The following CRACD variants were observed in gnomAD, a reference collection of about 807,000 sequenced individuals.
CRACD encodes capping protein inhibiting regulator of actin dynamics.
A neutral mutation model predicts 106.8 loss-of-function variants in CRACD; 56 were observed. That is an observed-to-expected ratio of 0.52 (90% confidence interval 0.42 to 0.66). The LOEUF (loss-of-function observed/expected upper bound fraction) is 0.66. Among genes scored for constraint, CRACD ranks in the 30% least tolerant of loss-of-function variants. CRACD has a pLI of 0.00. For synonymous variants in CRACD, 754 were observed against 670.8 expected (o/e 1.12, Z -1.92); for missense variants, 1,730 against 1,623.2 (o/e 1.07, Z -1.13).
chr4:56,057,813 TG>T lies in CRACD; in HGVS notation c.-336+8515del, dbSNP rs1309817888. Among the ~76,000 whole-genome samples the T allele has an allele frequency of 5.3e-4, 51 of 96,498 alleles. 8 individuals are homozygous for T. The highest frequency in any genetic ancestry group is 2.9e-3 in the African/African-American group (48 of 16,340). 63.3% of individuals were successfully genotyped at this position (96,498 alleles called of 152,430 possible). The stretch of plus-strand genomic sequence containing the variant: ...TCATTTTTTGTATTTTTTTTTTTTT[TG>T]TTTTTTTTTTTTTTTTTTTTTTGAG... On this transcript the variant is annotated intron_variant, in intron 1 of 10. Transcript: ENST00000682029.
chr4:56,300,369 G>A (rs998403550), intron 4 of CRACD, among the ~76,000 whole-genome samples: 3 of 146 alleles, frequency 0.021, no homozygotes, highest in Non-Finnish European at 0.038. Context: ...TGCCCTCAGG[G>A]CCAACCCCCA....
intron 4 of CRACD, among the ~76,000 whole-genome samples, chr4:56,305,045 C>A (rs1453544680): frequency 6.6e-6 from 1 of 151,828 alleles, no homozygotes; most frequent in Non-Finnish European, 1.5e-5. Flanking sequence ...CATGGTGAGA[C>A]CCCGTCACTA....
At chr4:56,083,201 C>G (rs1733095487) in intron 1 of CRACD, among the ~76,000 whole-genome samples, 1 of 152,132 alleles carries the variant, frequency 6.6e-6, no homozygotes, top group African/African-American at 2.4e-5. Flanking sequence ...TTATCTGAAA[C>G]AGGAAAGTTG....
intron 1 of CRACD, among the ~76,000 whole-genome samples, chr4:56,148,193 A>G (rs909268463): frequency 1.3e-5 from 2 of 152,164 alleles, no homozygotes; most frequent in African/African-American, 4.8e-5. Context: ...GTTAGCATCC[A>G]GTACTAAGGT....
At position 56,138,076 on chromosome 4, in the gene CRACD, C is replaced by G. The variant is rs143618293; in HGVS notation, c.-335-41208C>G. ...GTAAAAGTGACATTGACCAACCCCCCCACCCACTCTCCTACCTTGGTGACT... is the reference window on the plus strand; with the variant it reads ...GTAAAAGTGACATTGACCAACCCCCGCACCCACTCTCCTACCTTGGTGACT... On this transcript the variant is annotated intron_variant, in intron 1 of 10. Coordinates refer to ENST00000682029, the MANE Select transcript of CRACD (RefSeq NM_001393381.1). 2.5e-3 allele frequency among the ~76,000 whole-genome samples: 382 copies of G among 151,932 alleles called. 7 individuals are homozygous for G. In the East Asian group the frequency reaches 0.051, roughly 20 times the overall value.
intron 2 of CRACD, among the ~76,000 whole-genome samples, chr4:56,246,175 A>G (rs1341090175): frequency 2.0e-5 from 3 of 152,164 alleles, no homozygotes; most frequent in African/African-American, 7.2e-5. Flanking sequence ...GTGAGGGAAG[A>G]GACACTTCCT....
chr4:56,206,458 GCAGA>G (rs1738126859), intron 2 of CRACD, among the ~76,000 whole-genome samples: 1 of 152,210 alleles, frequency 6.6e-6, no homozygotes, highest in African/African-American at 2.4e-5. Context: ...AAACGTAATG[GCAGA>G]CAGCCAGGTG....
chr4:56,073,838 C>CT (rs543430594), intron 1 of CRACD, among the ~76,000 whole-genome samples: 169 of 152,186 alleles, frequency 1.1e-3, no homozygotes, highest in African/African-American at 4.0e-3. Context: ...GGTTTTAGGT[C>CT]TTAATGTTTA....
chr4:56,084,498 A>G (rs1398880167), intron 1 of CRACD, among the ~76,000 whole-genome samples: 1 of 152,058 alleles, frequency 6.6e-6, no homozygotes, highest in African/African-American at 2.4e-5. Flanking sequence ...TTTATATGAA[A>G]TTTGTATTTA....
intron 8 of CRACD, among the ~76,000 whole-genome samples, chr4:56,319,863 C>A (rs560816341): frequency 1.4e-5 from 2 of 138,166 alleles, no homozygotes; most frequent in East Asian, 3.0e-4. Flanking sequence ...AATGATAATC[C>A]CCATGTGCTT....
chr4:56,248,313 C>T (rs571803414), intron 2 of CRACD, among the ~76,000 whole-genome samples: 8 of 152,234 alleles, frequency 5.3e-5, no homozygotes, highest in South Asian at 2.1e-4. Flanking sequence ...GACCTGGTGC[C>T]GCTCATACCT....
intron 1 of CRACD, among the ~76,000 whole-genome samples, chr4:56,098,938 A>G (rs998900405): frequency 1.3e-5 from 2 of 152,120 alleles, no homozygotes; most frequent in African/African-American, 4.8e-5. Flanking sequence ...GCCTCCTAAA[A>G]TTTGGCTTGG....
chr4:56,117,601 A>T (rs537035275), intron 1 of CRACD, among the ~76,000 whole-genome samples: 59 of 152,296 alleles, frequency 3.9e-4, no homozygotes, highest in African/African-American at 1.4e-3. Context: ...ACAGAGATGG[A>T]TGATGGTGAT....
At chr4:56,303,363 A>G (rs1296523058) in intron 4 of CRACD, among the ~76,000 whole-genome samples, 1 of 151,394 alleles carries the variant, frequency 6.6e-6, no homozygotes, top group Admixed American at 6.6e-5. Flanking sequence ...AAAAAAAAAA[A>G]GAAAGAAGGA....
At chr4:56,296,358 G>A (rs1196848714) in intron 3 of CRACD, among the ~76,000 whole-genome samples, 1 of 152,016 alleles carries the variant, frequency 6.6e-6, no homozygotes, top group Non-Finnish European at 1.5e-5. Context: ...AGTAAGGGTT[G>A]ATGTTTATAA....
In CRACD at chr4:56,245,195, C is replaced by T. The variant is rs1009214820; in HGVS notation, c.-188-27126C>T. Among the ~76,000 whole-genome samples the T allele has an allele frequency of 2.6e-5, 4 of 152,282 alleles. No individual in the cohort carries two copies. The South Asian group carries it at 8.3e-4, about 32-fold the overall frequency. Reference sequence around the variant, plus strand: ...TATTTAATACATTAGGAATATATTACATTATCTTAGTATTTTCTATGAAGT... The same window carrying T: ...TATTTAATACATTAGGAATATATTATATTATCTTAGTATTTTCTATGAAGT... On this transcript the variant is annotated intron_variant, in intron 2 of 10. Transcript: ENST00000682029.
rs748839613 is a variant in CRACD, at chr4:56,316,701, C to T, written c.3187+12C>T. 5.6e-6 allele frequency: 9 copies of T among 1,596,906 alleles called. No homozygotes were observed. The highest frequency in any genetic ancestry group is 6.8e-6 in the Non-Finnish European group (8 of 1,169,496). ...GGCCGGGAGGAAAGGTAGGTAGCTGCAGGGTGGGTAACTGCTGCCAGCCGA... is the reference window on the plus strand; with the variant it reads ...GGCCGGGAGGAAAGGTAGGTAGCTGTAGGGTGGGTAACTGCTGCCAGCCGA... On this transcript the variant is annotated intron_variant, in intron 8 of 10. Transcript: ENST00000682029.
chr4:56,251,827 G>T (rs1214759633), intron 2 of CRACD, among the ~76,000 whole-genome samples: 1 of 152,208 alleles, frequency 6.6e-6, no homozygotes, highest in Non-Finnish European at 1.5e-5. Context: ...ATGCAATGGA[G>T]TGTAGATAAA....
intron 3 of CRACD, among the ~76,000 whole-genome samples, chr4:56,294,865 G>T (rs1473648050): frequency 7.5e-6 from 1 of 133,738 alleles, no homozygotes; most frequent in Admixed American, 8.5e-5. Flanking sequence ...ACTAAGCCGA[G>T]ATCATGCCAC....
Sources: allele counts gnomAD v4.1 joint callset (sites outside exome capture counted in the v4.1 genomes callset), GRCh38; gene constraint gnomAD v4.1.1; transcripts MANE v1.5; gene names NCBI Gene and HGNC (gene_info 2026-07-23, HGNC 2026-07-21).